Variants in IRS1 observed in about 807,000 individuals in gnomAD.
IRS1 encodes the protein insulin receptor substrate 1.
IRS1 carries 34 observed loss-of-function variants against 65.6 expected under a neutral mutation model. The ratio of observed to expected loss-of-function variants is 0.52; its 90% confidence interval spans 0.39 to 0.69. The LOEUF is 0.69. IRS1 is among the 30% of genes least tolerant of loss of function. The pLI is 0.00. For missense variants in IRS1, 1,641 were observed against 1,720.2 expected, an observed-to-expected ratio of 0.95 and a Z score of 0.81; for synonymous variants, 699 against 683.5, an observed-to-expected ratio of 1.02 and a Z score of -0.35.
intron 1 of IRS1, among the ~76,000 whole-genome samples, chr2:226,752,213 A>G (rs1300959873): frequency 1.3e-5 from 2 of 152,172 alleles, no homozygotes; most frequent in African/African-American, 2.4e-5. Flanking sequence ...TTCTAATATC[A>G]GGGGGAGCAC....
intron 1 of IRS1, among the ~76,000 whole-genome samples, chr2:226,743,234 AT>A (rs755663988): frequency 2.9e-4 from 42 of 146,720 alleles, no homozygotes; most frequent in Middle Eastern, 3.5e-3. Flanking sequence ...GGAAGATTTA[AT>A]TTTTTTTTTT....
intron 1 of IRS1, among the ~76,000 whole-genome samples, chr2:226,783,615 T>C (rs1225351317): frequency 3.3e-5 from 5 of 152,186 alleles, no homozygotes; most frequent in Admixed American, 6.5e-5. Flanking sequence ...CACCCAAAGG[T>C]AGAAGTGTTC....
intron 1 of IRS1, among the ~76,000 whole-genome samples, chr2:226,761,855 A>G (rs1054363620): frequency 2.6e-5 from 4 of 152,252 alleles, no homozygotes; most frequent in Non-Finnish European, 5.9e-5. Flanking sequence ...AAGTACAGAC[A>G]TGGATAACAG....
At chr2:226,779,656 A>G (rs1939344115) in intron 1 of IRS1, among the ~76,000 whole-genome samples, 1 of 152,266 alleles carries the variant, frequency 6.6e-6, no homozygotes, top group African/African-American at 2.4e-5. Flanking sequence ...TTTCATACCC[A>G]AATGTGACAA....
At chr2:226,783,877 T>C (rs1939435790) in intron 1 of IRS1, among the ~76,000 whole-genome samples, 1 of 152,152 alleles carries the variant, frequency 6.6e-6, no homozygotes, top group East Asian at 1.9e-4. Context: ...CACTCATTGC[T>C]TCCCTGCTCT....
chr2:226,788,344 G>A (rs1939526185), intron 1 of IRS1, among the ~76,000 whole-genome samples: 1 of 152,136 alleles, frequency 6.6e-6, no homozygotes, highest in South Asian at 2.1e-4. Context: ...TCTGACCCAT[G>A]TATTCAACTC....
intron 1 of IRS1, among the ~76,000 whole-genome samples, chr2:226,749,902 C>T (rs147505035): frequency 7.2e-5 from 11 of 152,232 alleles, no homozygotes; most frequent in African/African-American, 2.6e-4. Flanking sequence ...CAAAAAGTCT[C>T]AGGCCTGGTA....
intron 1 of IRS1, among the ~76,000 whole-genome samples, chr2:226,741,785 A>AC (rs1469669770): frequency 1.2e-4 from 12 of 103,672 alleles, no homozygotes; most frequent in East Asian, 9.1e-4. Context: ...TGAGCCCAGT[A>AC]AACACACACA....
intron 1 of IRS1, among the ~76,000 whole-genome samples, chr2:226,790,431 GACT>G (rs1183772958): frequency 2.0e-5 from 3 of 151,854 alleles, no homozygotes; most frequent in South Asian, 2.1e-4. Context: ...TCAGAGAAAT[GACT>G]ACAATATATG....
At chr2:226,788,019 C>CAA (rs539121964) in intron 1 of IRS1, among the ~76,000 whole-genome samples, 352 of 140,590 alleles carry the variant, frequency 2.5e-3, no homozygotes, top group African/African-American at 8.3e-3. Context: ...TACATATATT[C>CAA]AAAAAAAAAA....
rs780602110 is a variant in IRS1 at position 226,796,989 on chromosome 2, C to T, written c.1750G>A (p.Glu584Lys). 2 of 1,590,502 alleles carry T rather than the reference C, an allele frequency of 1.3e-6. No homozygotes were observed. The highest frequency in any genetic ancestry group is 1.1e-5 in the South Asian group (1 of 87,978). Residue 584 changes from glutamate to lysine, a missense_variant, in exon 1 of 2, where the codon GAG (glutamate) becomes AAG (lysine). Physicochemically the swap from Glu to Lys is moderately conservative, Grantham distance 56. Around this residue, in one of 3 missense-constraint regions of IRS1, gnomAD observed 1,324 missense variants for 1,361.0 expected, o/e 0.97. Transcript: ENST00000305123. ...AAGGGGTGCATTTCCAGACCCTCCT[C>T]TGGGTAGGAGCGGGTGGGCACGAAG... ...SAFVPTRSYPEEGLEMHPLER... is the reference protein window; with the variant it reads ...SAFVPTRSYPKEGLEMHPLER...
At chr2:226,770,530 T>C (rs2106171502) in intron 1 of IRS1, among the ~76,000 whole-genome samples, 1 of 152,276 alleles carries the variant, frequency 6.6e-6, no homozygotes, top group African/African-American at 2.4e-5. Flanking sequence ...AAAGCCAAAA[T>C]AGTGAATGGC....
At chr2:226,765,137 T>C (rs1391629655) in intron 1 of IRS1, among the ~76,000 whole-genome samples, 1 of 152,208 alleles carries the variant, frequency 6.6e-6, no homozygotes, top group Admixed American at 6.5e-5. Flanking sequence ...GGGGTCTTGC[T>C]ATGTTGCCCA....
At chr2:226,791,170 T>TC (rs1269254162) in intron 1 of IRS1, among the ~76,000 whole-genome samples, 1 of 151,478 alleles carries the variant, frequency 6.6e-6, no homozygotes, top group Non-Finnish European at 1.5e-5. Context: ...GAATTCCCCC[T>TC]CCCCCCATGA....
rs147944503 is a variant in IRS1, at chr2:226,797,622, G to A, written c.1117C>T (p.Arg373Cys). 1.4e-4 allele frequency: 225 copies of A among 1,589,496 alleles called. No individual in the cohort carries two copies. The highest frequency in any genetic ancestry group is 1.8e-4 in the Non-Finnish European group (216 of 1,173,066). ...CGGGAAGCCGGCATGGGGATGGAGC[G>A]GCTGTGGTTGAGCGGGGGGTGCAGC... ...ARLHPPLNHS[R>C]SIPMPASRCS... The change falls in exon 1 of 2, where the codon CGC (arginine) becomes TGC (cysteine). Residue 373 changes from arginine to cysteine, a missense_variant. Coordinates refer to ENST00000305123, the MANE Select transcript of IRS1 (RefSeq NM_005544.3). The surrounding 1 kb of genome is among the most constrained non-coding windows in gnomAD (Gnocchi z 8.1).
Position 226,761,186 on chromosome 2 carries a change from A to C in IRS1, c.*22-24936T>G, listed in dbSNP as rs372174064. Among the ~76,000 whole-genome samples the C allele has an allele frequency of 2.4e-3, 373 of 152,360 alleles. 1 individual carries two copies. The highest frequency in any genetic ancestry group is 8.3e-3 in the African/African-American group (346 of 41,590). On this transcript the variant is annotated intron_variant, in intron 1 of 1. Coordinates refer to ENST00000305123, the MANE Select transcript of IRS1 (RefSeq NM_005544.3). Reference sequence around the variant, plus strand: ...CACCACCTAAGTAGCTGTGGGCAGGAATATGACTATATAGACAACTCCAAT... The same window carrying C: ...CACCACCTAAGTAGCTGTGGGCAGGCATATGACTATATAGACAACTCCAAT...
intron 1 of IRS1, among the ~76,000 whole-genome samples, chr2:226,790,462 A>AT: frequency 6.6e-6 from 1 of 152,178 alleles, no homozygotes. Flanking sequence ...TTATGGATTT[A>AT]TTTTTACTAT....
chr2:226,796,343 A>G lies in IRS1; in HGVS notation c.2396T>C (p.Leu799Pro), dbSNP rs1365755572. The G allele has an allele frequency of 1.9e-6, 3 of 1,613,380 alleles. No homozygotes were observed. The highest frequency in any genetic ancestry group is 1.6e-4 in the Middle Eastern group (1 of 6,062). Residue 799 changes from leucine to proline, a missense_variant, in exon 1 of 2, where the codon CTC becomes CCC. Transcript: ENST00000305123. ...LRLSTSSGRLLYAATADDSSS... is the reference protein window; with the variant it reads ...LRLSTSSGRLPYAATADDSSS... ...AGAATCATCTGCTGTTGCAGCATAGAGAAGGCGACCAGAGCTAGTGGAAAG... is the reference window on the plus strand; with the variant it reads ...AGAATCATCTGCTGTTGCAGCATAGGGAAGGCGACCAGAGCTAGTGGAAAG...
At chr2:226,746,177 A>G (rs1938539745) in intron 1 of IRS1, among the ~76,000 whole-genome samples, 1 of 152,226 alleles carries the variant, frequency 6.6e-6, no homozygotes, top group South Asian at 2.1e-4. Context: ...TGCTAATGAA[A>G]GACTTCTAAT....
Sources: allele counts gnomAD v4.1 joint callset (sites outside exome capture counted in the v4.1 genomes callset), GRCh38; gene constraint gnomAD v4.1.1; regional missense constraint gnomAD v4.1.1; non-coding constraint Gnocchi (gnomAD v3.1); transcripts MANE v1.5; gene names NCBI Gene and HGNC (gene_info 2026-07-23, HGNC 2026-07-21).